XKRX: variants seen among roughly 807,000 people sequenced by gnomAD.
XKRX encodes the protein XK-related protein 2.
A neutral mutation model predicts 22.4 loss-of-function variants in XKRX; 11 were observed. The observed-to-expected ratio is 0.49, with a 90% CI of 0.31 to 0.81. The LOEUF (loss-of-function observed/expected upper bound fraction) is 0.81, where lower values mean the gene tolerates loss of function less well. Among genes scored for constraint, XKRX ranks in the 40% least tolerant of loss-of-function variants. The probability of loss-of-function intolerance (pLI) is 0.05; values close to 1 mark genes in which losing one functional copy is unlikely to be tolerated. For synonymous variants in XKRX, 114 were observed against 132.2 expected (o/e 0.86, Z 0.94); for missense variants, 320 against 336.5 (o/e 0.95, Z 0.38).
chrX:100,922,682 T>A, intron 2 of XKRX, 111 bp downstream of exon 2: 1 of 781,862 alleles, frequency 1.3e-6, no homozygotes, highest in Non-Finnish European at 1.8e-6. Flanking sequence ...TTATTTAATT[T>A]TAAGTTAAAT....
At chrX:100,906,074 G>A in the XKRX span, among the ~76,000 whole-genome samples, 9 of 111,264 alleles carry the variant, frequency 8.1e-5, no homozygotes, top group African/African-American at 2.6e-4. Flanking sequence ...TATATTCCAG[G>A]TTTTTCTTTT....
At chrX:100,908,526 G>A (rs1366054796), downstream of XKRX, among the ~76,000 whole-genome samples, 1 of 111,460 alleles carries the variant, frequency 9.0e-6, no homozygotes, top group Non-Finnish European at 1.9e-5. Flanking sequence ...ACATATTTCC[G>A]CTATGTACCC....
chrX:100,923,876 G>C, intron 1 of XKRX, among the ~76,000 whole-genome samples: 1 of 91,098 alleles, frequency 1.1e-5, no homozygotes, highest in African/African-American at 4.2e-5. Context: ...TTGCTCTGTC[G>C]CCCAGGCTGG....
downstream of XKRX, among the ~76,000 whole-genome samples, chrX:100,908,455 A>G (rs1372145603): frequency 9.0e-6 from 1 of 111,160 alleles, no homozygotes. Flanking sequence ...CACATATCTC[A>G]CACAGGTTGG....
chrX:100,891,759 G>GA, the XKRX span, among the ~76,000 whole-genome samples: 157 of 68,313 alleles, frequency 2.3e-3, 4 homozygotes, highest in East Asian at 0.049. Context: ...AAAGAAGAAA[G>GA]AAGAAAAGAA....
At position 100,928,104 on chromosome X, in the gene XKRX, C is replaced by T. The variant is rs1215050461; in HGVS notation, c.201G>A (p.Met67Ile). The part of the protein sequence containing the change: ...IYRKNSETYW[M>I]TYTFSFFMFS... ...ACATAAAGAAAGAAAAGGTGTATGT[C>T]ATCCAGTAAGTTTCACTATTCTTTC... The change falls in exon 1 of 3, where the codon ATG becomes ATA. Residue 67 changes from methionine to isoleucine, a missense_variant. Physicochemically the swap from Met to Ile is conservative, Grantham distance 10. Transcript: ENST00000372956. 1.7e-6 allele frequency: 2 copies of T among 1,209,839 alleles called. No individual in the cohort carries two copies. The highest frequency in any genetic ancestry group is 3.5e-5 in the African/African-American group (2 of 57,132).
upstream of XKRX, among the ~76,000 whole-genome samples, chrX:100,933,161 C>T (rs1159220477): frequency 9.5e-6 from 1 of 105,651 alleles, no homozygotes; most frequent in Admixed American, 1.0e-4. Context: ...CAGAGCAACT[C>T]TGTCTCAAAA....
At chrX:100,942,488 T>C in the XKRX span, among the ~76,000 whole-genome samples, 2 of 111,856 alleles carry the variant, frequency 1.8e-5, no homozygotes, top group African/African-American at 6.5e-5. Context: ...AATTATTAGG[T>C]AATTGAGAAA....
rs913569341 is a variant in XKRX, at chrX:100,913,667, T to C, written c.*671A>G. ...CCTGAGAAAAAGAGTCATTTTGGCT[T>C]ATGCCCTGAAGGAATTCTACTCTGC... is the stretch of plus-strand genomic sequence containing the variant. On this transcript the variant is annotated 3_prime_UTR_variant, in exon 3 of 3. Coordinates refer to ENST00000372956, the MANE Select transcript of XKRX (RefSeq NM_212559.3). 1 of 112,381 alleles carries C rather than the reference T, an allele frequency of 8.9e-6. No homozygotes were observed. The highest frequency in any genetic ancestry group is 3.2e-5 in the African/African-American group (1 of 30,929). The allele number at this position is 112,381 out of a possible 1,213,427, so 9.3% of individuals were successfully genotyped here. A position where few individuals can be genotyped will look rare whatever the true frequency, so the allele number is the denominator to read the frequency against.
chrX:100,927,003 G>A (rs866310227), intron 1 of XKRX, among the ~76,000 whole-genome samples: 5 of 110,840 alleles, frequency 4.5e-5, no homozygotes, highest in Admixed American at 9.6e-5. Flanking sequence ...TTTGAAAATG[G>A]CAGTAGCACC....
At chrX:100,945,806 CAAAAAAAAAAAAAAA>C in the XKRX span, among the ~76,000 whole-genome samples, 1 of 31,852 alleles carries the variant, frequency 3.1e-5, no homozygotes, top group Non-Finnish European at 5.6e-5. Flanking sequence ...ATTCTGTCTC[CAAAAAAAAAAAAAAA>C]AAAAAAAAAA....
the XKRX span, among the ~76,000 whole-genome samples, chrX:100,947,662 C>G: frequency 8.9e-6 from 1 of 111,952 alleles, no homozygotes; most frequent in Non-Finnish European, 1.9e-5. Context: ...TCTACAGGCA[C>G]AAAGCGCAGC....
chrX:100,945,304 A>T, the XKRX span, among the ~76,000 whole-genome samples: 1 of 106,588 alleles, frequency 9.4e-6, no homozygotes, highest in African/African-American at 3.4e-5. Context: ...TATTTTGTAG[A>T]GACAAGGTTT....
chrX:100,911,898 T>C (rs1048258212), downstream of XKRX, among the ~76,000 whole-genome samples: 3 of 111,638 alleles, frequency 2.7e-5, no homozygotes, highest in Non-Finnish European at 3.8e-5. Flanking sequence ...CTAAACTCTC[T>C]GCATTCCCAG....
chrX:100,891,492 A>G, the XKRX span, among the ~76,000 whole-genome samples: 1 of 111,140 alleles, frequency 9.0e-6, no homozygotes, highest in Admixed American at 9.6e-5. Context: ...TAAAAAAGAC[A>G]TATAGACTAA....
At chrX:100,944,137 G>A in the XKRX span, among the ~76,000 whole-genome samples, 1 of 111,881 alleles carries the variant, frequency 8.9e-6, no homozygotes, top group African/African-American at 3.3e-5. Flanking sequence ...CTTCTGATGG[G>A]TGTGCAGTAG....
the XKRX span, among the ~76,000 whole-genome samples, chrX:100,952,079 AAATAAT>A: frequency 2.7e-5 from 3 of 110,114 alleles, no homozygotes; most frequent in Admixed American, 2.9e-4. Flanking sequence ...AAGACAGTAC[AAATAAT>A]AATAATAATA....
At chrX:100,929,800 A>G (rs1427118130), upstream of XKRX, among the ~76,000 whole-genome samples, 2 of 112,095 alleles carry the variant, frequency 1.8e-5, no homozygotes, top group East Asian at 2.8e-4. Context: ...AAGAGGTGCC[A>G]AATTCTAAAC....
rs1182473941 is a variant in XKRX at position 100,923,014 on chromosome X, T to C, written c.383A>G (p.Glu128Gly). The change falls in exon 2 of 3, where the codon GAG (glutamate) becomes GGG (glycine). Residue 128 changes from glutamate to glycine, a missense_variant. Glu to Gly is a moderately conservative substitution (Grantham distance 98). Transcript: ENST00000372956. ...GAGGCTGACATAGGGCTCCTCCTGCTCCTCTTTCTTCCACAGTGTGAGGTA... is the reference window on the plus strand; with the variant it reads ...GAGGCTGACATAGGGCTCCTCCTGCCCCTCTTTCTTCCACAGTGTGAGGTA... ...IKYLTLWKKE[E>G]QEEPYVSLTR... The C allele has an allele frequency of 1.7e-6, 2 of 1,211,737 alleles. No homozygotes were observed. The highest frequency in any genetic ancestry group is 1.1e-6 in the Non-Finnish European group (1 of 895,465).
Sources: gnomAD v4.1 joint callset for allele counts (sites outside exome capture counted in the v4.1 genomes callset) on GRCh38, gnomAD v4.1.1 for gene constraint, MANE v1.5 for transcripts, NCBI Gene and HGNC (gene_info 2026-07-23, HGNC 2026-07-21) for gene names.